The following NKAIN3 variants were observed in gnomAD, a reference collection of about 807,000 sequenced individuals.
NKAIN3 encodes the protein sodium/potassium-transporting ATPase subunit beta-1-interacting protein 3.
Under a neutral mutation model 30.2 loss-of-function variants are expected in NKAIN3, and 25 were observed. The observed-to-expected ratio is 0.83, with a 90% CI of 0.60 to 1.16. The LOEUF (loss-of-function observed/expected upper bound fraction) is 1.16, where lower values mean the gene tolerates loss of function less well. Ranked by LOEUF, NKAIN3 falls within the 50% of genes most tolerant of loss-of-function variation. NKAIN3 has a pLI of 0.00. For missense variants in NKAIN3, 225 were observed against 254.1 expected (o/e 0.89, Z 0.78); for synonymous variants, 91 against 89.6 (o/e 1.02, Z -0.09).
chr8:62,796,942 C>A (rs1308646501), intron 4 of NKAIN3, among the ~76,000 whole-genome samples: 2 of 152,162 alleles, frequency 1.3e-5, no homozygotes, highest in African/African-American at 4.8e-5. Flanking sequence ...TGGACTTTAT[C>A]TCACAAGTAT....
chr8:62,374,685 G>A lies in NKAIN3; in HGVS notation c.54+125558G>A, dbSNP rs566620080. 1.5e-4 allele frequency among the ~76,000 whole-genome samples: 23 copies of A among 152,272 alleles called. No homozygotes were observed. In the South Asian group the frequency reaches 4.8e-3, roughly 32 times the overall value. On this transcript the variant is annotated intron_variant, in intron 1 of 6. Transcript: ENST00000623646. ...AATCTTGGCAAATTAAACAGTTCTAGCAGGGTTAGGGGAGGATTGAAAGAT... is the reference window on the plus strand; with the variant it reads ...AATCTTGGCAAATTAAACAGTTCTAACAGGGTTAGGGGAGGATTGAAAGAT...
At chr8:62,475,194 AAC>A (rs1230466126) in intron 1 of NKAIN3, among the ~76,000 whole-genome samples, 4 of 152,330 alleles carry the variant, frequency 2.6e-5, no homozygotes, top group African/African-American at 7.2e-5. Flanking sequence ...TCTGTGAAAT[AAC>A]ACAGTTTTCA....
In NKAIN3 at chr8:62,655,956, T is replaced by C. The variant is rs569259877; in HGVS notation, c.273+66162T>C. On this transcript the variant is annotated intron_variant, in intron 3 of 6. Transcript: ENST00000623646. ...TCCCTAGGAAAGACTGTGTTAGAAATAAAATTAGCCCCATTTTCTTTGAAT... is the reference window on the plus strand; with the variant it reads ...TCCCTAGGAAAGACTGTGTTAGAAACAAAATTAGCCCCATTTTCTTTGAAT... 3.9e-5 allele frequency among the ~76,000 whole-genome samples: 6 copies of C among 152,162 alleles called. No homozygotes were observed. In the South Asian group the frequency reaches 1.2e-3, roughly 32 times the overall value.
intron 4 of NKAIN3, among the ~76,000 whole-genome samples, chr8:62,895,526 G>A (rs1821405107): frequency 6.6e-6 from 1 of 152,144 alleles, no homozygotes; most frequent in Non-Finnish European, 1.5e-5. Flanking sequence ...AGTTTGAGAA[G>A]CAGTATGCAC....
At chr8:62,300,397 G>A (rs895578411) in intron 1 of NKAIN3, among the ~76,000 whole-genome samples, 1 of 151,996 alleles carries the variant, frequency 6.6e-6, no homozygotes, top group African/African-American at 2.4e-5. Context: ...TTAAATAAAG[G>A]TAGATCTAGA....
At chr8:62,383,645 C>T in intron 1 of NKAIN3, 1 of 407,858 alleles carries the variant, frequency 2.5e-6, no homozygotes, top group South Asian at 1.8e-5. Context: ...TCAAACCATT[C>T]TTTTCTGGCA....
chr8:62,418,676 A>G (rs1804533011), intron 1 of NKAIN3, among the ~76,000 whole-genome samples: 1 of 152,038 alleles, frequency 6.6e-6, no homozygotes, highest in Non-Finnish European at 1.5e-5. Flanking sequence ...TGTTCTGGGG[A>G]CGTGGTTACT....
intron 1 of NKAIN3, among the ~76,000 whole-genome samples, chr8:62,556,568 TA>T (rs1340727444): frequency 1.3e-5 from 2 of 151,784 alleles, no homozygotes; most frequent in Non-Finnish European, 2.9e-5. Context: ...AGCTATATAA[TA>T]TATAGGAATA....
chr8:62,993,836 C>A (rs1370278329), intron 5 of NKAIN3, among the ~76,000 whole-genome samples: 1 of 152,126 alleles, frequency 6.6e-6, no homozygotes, highest in Non-Finnish European at 1.5e-5. Context: ...GTAGAAGTAA[C>A]TACCTTTTCT....
Position 62,918,514 on chromosome 8 carries a change from G to A in NKAIN3, c.532+1G>A. 1.9e-6 allele frequency: 3 copies of A among 1,606,284 alleles called. No homozygotes were observed. The highest frequency in any genetic ancestry group is 1.1e-5 in the South Asian group (1 of 90,796). On this transcript the variant is annotated splice_donor_variant, in intron 5 of 6. Coordinates refer to ENST00000623646, the MANE Select transcript of NKAIN3 (RefSeq NM_001304533.3). LOFTEE classifies it high-confidence loss of function. The stretch of plus-strand genomic sequence containing the variant: ...ATTTCCATGGAAGAAGAAGACACAT[G>A]TAAGTACTGTTTTCTCTCTCCCTGT...
At chr8:62,825,439 T>C (rs547438625) in intron 4 of NKAIN3, among the ~76,000 whole-genome samples, 1 of 152,328 alleles carries the variant, frequency 6.6e-6, no homozygotes, top group East Asian at 1.9e-4. Context: ...ATCTTTATAG[T>C]CTGTTTCCAA....
chr8:62,468,781 A>T (rs1479902389), intron 1 of NKAIN3, among the ~76,000 whole-genome samples: 1 of 151,948 alleles, frequency 6.6e-6, no homozygotes, highest in Non-Finnish European at 1.5e-5. Flanking sequence ...TGTCATGTTT[A>T]TGTTTCTGGG....
intron 3 of NKAIN3, among the ~76,000 whole-genome samples, chr8:62,650,702 A>G (rs554758333): frequency 1.1e-4 from 17 of 152,282 alleles, no homozygotes; most frequent in Middle Eastern, 3.4e-3. Context: ...GGACCAAAGT[A>G]TGACGTGGGA....
chr8:62,281,624 C>T (rs1034116461), intron 1 of NKAIN3, among the ~76,000 whole-genome samples: 3 of 152,106 alleles, frequency 2.0e-5, no homozygotes, highest in Non-Finnish European at 2.9e-5. Flanking sequence ...AGCTTCATTT[C>T]GTCATGTACC....
At chr8:62,440,790 A>G (rs999044214) in intron 1 of NKAIN3, among the ~76,000 whole-genome samples, 9 of 152,090 alleles carry the variant, frequency 5.9e-5, no homozygotes, top group African/African-American at 2.2e-4. Context: ...AGAAAGATTA[A>G]TGTAGCCATG....
intron 3 of NKAIN3, among the ~76,000 whole-genome samples, chr8:62,591,581 C>A (rs980340411): frequency 1.3e-5 from 2 of 151,936 alleles, no homozygotes; most frequent in Non-Finnish European, 2.9e-5. Flanking sequence ...TATCCATGTG[C>A]ATGTCTAAAA....
At chr8:62,363,229 C>T (rs1426294824) in intron 1 of NKAIN3, among the ~76,000 whole-genome samples, 1 of 152,174 alleles carries the variant, frequency 6.6e-6, no homozygotes, top group Non-Finnish European at 1.5e-5. Context: ...TGTTACCCTT[C>T]GTTTGCCTTT....
At chr8:62,294,171 C>T (rs1813751438) in intron 1 of NKAIN3, among the ~76,000 whole-genome samples, 2 of 152,170 alleles carry the variant, frequency 1.3e-5, no homozygotes, top group Admixed American at 6.5e-5. Flanking sequence ...TTCTCTGACC[C>T]CTTGTGCTTC....
chr8:62,290,820 C>T (rs1639589969), intron 1 of NKAIN3, among the ~76,000 whole-genome samples: 1 of 152,228 alleles, frequency 6.6e-6, no homozygotes, highest in Middle Eastern at 3.4e-3. Context: ...ATGGTACCAG[C>T]TCCTCTTTGT....
Sources: gnomAD v4.1 joint callset for allele counts (sites outside exome capture counted in the v4.1 genomes callset) on GRCh38, gnomAD v4.1.1 for gene constraint, MANE v1.5 for transcripts, NCBI Gene and HGNC (gene_info 2026-07-23, HGNC 2026-07-21) for gene names.